GGA2: variants seen among roughly 807,000 people sequenced by gnomAD.
The protein encoded by GGA2 is ADP-ribosylation factor-binding protein GGA2.
Under a neutral mutation model 79.5 loss-of-function variants are expected in GGA2, and 48 were observed. That is an observed-to-expected ratio of 0.60 (90% CI 0.48 to 0.77). The LOEUF is 0.77. Ranked by LOEUF, GGA2 falls within the 30% of genes least tolerant of loss-of-function variation. The pLI, the probability that GGA2 is intolerant of heterozygous loss-of-function variation, is 0.00. For missense variants in GGA2, 770 were observed against 774.0 expected, an observed-to-expected ratio of 0.99 and a Z score of 0.06; for synonymous variants, 317 against 302.0, an observed-to-expected ratio of 1.05 and a Z score of -0.51.
chr16:23,491,642 C>G lies in GGA2; in HGVS notation c.475+35G>C, dbSNP rs1964788975. 3.1e-6 allele frequency: 5 copies of G among 1,603,090 alleles called. No homozygotes were observed. The South Asian group carries it at 5.5e-5, about 18-fold the overall frequency. On this transcript the variant is annotated intron_variant, in intron 5 of 16. Transcript: ENST00000309859. ...AAAAGCAAGAAGATACAGGCCTAGT[C>G]AAGAGGAAATAAGACACAGTAAGGC...
At chr16:23,470,694 C>T (rs903515635) in intron 14 of GGA2, among the ~76,000 whole-genome samples, 43 of 151,568 alleles carry the variant, frequency 2.8e-4, no homozygotes, top group Admixed American at 1.3e-3. Flanking sequence ...ACTCGGGAGG[C>T]GGAGGTTGCA....
At chr16:23,487,129 G>A (rs867400227) in intron 6 of GGA2, among the ~76,000 whole-genome samples, 2 of 152,020 alleles carry the variant, frequency 1.3e-5, no homozygotes, top group Middle Eastern at 3.4e-3. Flanking sequence ...CTATAGGCGC[G>A]TGCCACCATG....
intron 1 of GGA2, among the ~76,000 whole-genome samples, chr16:23,520,713 G>A (rs1965135139): frequency 6.6e-6 from 1 of 150,516 alleles, no homozygotes; most frequent in Non-Finnish European, 1.5e-5. Context: ...ACAGAAGACA[G>A]ACGTCTGGAG....
At chr16:23,488,536 G>A (rs1332663957) in intron 6 of GGA2, 70 bp downstream of exon 6, 3 of 894,478 alleles carry the variant, frequency 3.4e-6, no homozygotes, top group Non-Finnish European at 5.6e-6. Context: ...TCCGATTCAA[G>A]CATCAAAGGG....
chr16:23,474,904 T>C lies in GGA2; in HGVS notation c.1450A>G (p.Ser484Gly). The change falls in exon 14 of 17, where the codon AGC (serine) becomes GGC (glycine). Residue 484 changes from serine to glycine, a missense_variant and splice_region_variant. Physicochemically the swap from Ser to Gly is moderately conservative, Grantham distance 56 (BLOSUM62 0). Transcript: ENST00000309859. The stretch of plus-strand genomic sequence containing the variant: ...AGGTGGGGAGTGAAATTGTACTTAC[T>C]GGGCTTAACAGACTCCAAAGGGACA... The part of the protein sequence containing the change: ...VFVPLESVKP[S>G]SLPPLIVYDR... 1 of 1,606,610 alleles carries C rather than the reference T, an allele frequency of 6.2e-7. No homozygotes were observed. Among genetic ancestry groups the C allele is most frequent in the Non-Finnish European group, 8.5e-7 (1 of 1,174,064 alleles).
rs184393026 is a variant in GGA2 at position 23,483,655 on chromosome 16, T to G, written c.799-651A>C. The stretch of plus-strand genomic sequence containing the variant: ...TCTTTTTGATTGTTTGTTTTTTTGG[T>G]TTTTTTTTGAGACAGAGTTTCACTG... On this transcript the variant is annotated intron_variant, in intron 8 of 16. Coordinates refer to ENST00000309859, the MANE Select transcript of GGA2 (RefSeq NM_015044.4). Among the ~76,000 whole-genome samples, 635 of 150,588 alleles carry G rather than the reference T, an allele frequency of 4.2e-3. 8 individuals carry two copies. The highest frequency in any genetic ancestry group is 0.014 in the African/African-American group (565 of 41,044).
rs533062983 is a variant in GGA2, at chr16:23,481,760, A to C, written c.881-990T>G. Among the ~76,000 whole-genome samples, 14 of 152,352 alleles carry C rather than the reference A, an allele frequency of 9.2e-5. 1 individual carries two copies. Among genetic ancestry groups the C allele is most frequent in the African/African-American group, 3.1e-4 (13 of 41,588 alleles). ...ACGCCACTGGACTCCAGCCTGAGCA[A>C]CAGAGTGAGACTGTCTCAAAAAAAA... On this transcript the variant is annotated intron_variant, in intron 9 of 16. Transcript: ENST00000309859.
At chr16:23,517,966 G>T (rs1965111737) in intron 2 of GGA2, among the ~76,000 whole-genome samples, 1 of 151,676 alleles carries the variant, frequency 6.6e-6, no homozygotes, top group Admixed American at 6.6e-5. Flanking sequence ...AGGCTGGAGT[G>T]CAGTGTTGTG....
intron 16 of GGA2, 73 bp from the exon 17 acceptor site, chr16:23,467,773 G>A: frequency 1.3e-6 from 1 of 776,506 alleles, no homozygotes; most frequent in African/African-American, 1.7e-5. Flanking sequence ...GTTAAGTCAA[G>A]TGAGTGTTTC....
chr16:23,494,428 A>G, intron 2 of GGA2, 50 bp from the exon 3 acceptor site: 1 of 1,163,798 alleles, frequency 8.6e-7, no homozygotes, highest in Non-Finnish European at 1.3e-6. Context: ...AAAGAAACTA[A>G]CCCGAGTGGC....
At chr16:23,474,734 G>A (rs1964555198) in intron 14 of GGA2, among the ~76,000 whole-genome samples, 170 bp downstream of exon 14, 1 of 152,014 alleles carries the variant, frequency 6.6e-6, no homozygotes, top group African/African-American at 2.4e-5. Flanking sequence ...TTACAGGCGT[G>A]AGTCACCATA....
rs1375452058 is a variant in GGA2, at chr16:23,486,158, G to C, written c.661-6C>G. 1.2e-6 allele frequency: 2 copies of C among 1,612,926 alleles called. No individual in the cohort carries two copies. The highest frequency in any genetic ancestry group is 1.7e-6 in the Non-Finnish European group (2 of 1,179,348). On this transcript the variant is annotated splice_region_variant and splice_polypyrimidine_tract_variant and intron_variant, in intron 7 of 16. Transcript: ENST00000309859. ...TTCTCCGATTTTTCTTGTTCCTTTT[G>C]GGAAAAAGAGGAGGATGGGAGTGAG...
At chr16:23,473,762 C>T (rs905039899) in intron 14 of GGA2, among the ~76,000 whole-genome samples, 2 of 151,640 alleles carry the variant, frequency 1.3e-5, no homozygotes, top group Non-Finnish European at 2.9e-5. Flanking sequence ...TTCTATATAC[C>T]CTTCATGTAG....
At position 23,466,899 on chromosome 16, in the gene GGA2, ACT is replaced by A. The variant is rs1390035165; in HGVS notation, c.*689_*690del. 1.3e-5 allele frequency: 2 copies of A among 152,666 alleles called. No homozygotes were observed. The highest frequency in any genetic ancestry group is 6.6e-5 in the Admixed American group (1 of 15,254). The allele number at this position is 152,666 out of a possible 1,614,324, so 9.5% of individuals were successfully genotyped here. A position where few individuals can be genotyped will look rare whatever the true frequency, so the allele number is the denominator to read the frequency against. On this transcript the variant is annotated 3_prime_UTR_variant, in exon 17 of 17. Coordinates refer to ENST00000309859, the MANE Select transcript of GGA2 (RefSeq NM_015044.4). Reference sequence around the variant, plus strand: ...GAGCTGCTTTCCCCTCTGCCCAGGAACTCTGTCCAGGGGCGATTCTAAGGCAC... The same window carrying A: ...GAGCTGCTTTCCCCTCTGCCCAGGAACTGTCCAGGGGCGATTCTAAGGCAC...
At chr16:23,495,536 A>G in intron 2 of GGA2, 158 bp downstream of exon 2, 1 of 421,530 alleles carries the variant, frequency 2.4e-6, no homozygotes, top group East Asian at 3.4e-5. Context: ...GGCTCAAGCA[A>G]TCCTCCTGCC....
chr16:23,501,341 G>A (rs974357309), intron 1 of GGA2: 1 of 454,846 alleles, frequency 2.2e-6, no homozygotes, highest in East Asian at 6.9e-5. Context: ...GAGAAATCAT[G>A]GTCTGTGGAG....
Position 23,493,447 on chromosome 16 carries a change from C to T in GGA2, c.264G>A (p.Met88Ile), listed in dbSNP as rs776529428. The T allele has an allele frequency of 1.9e-6, 3 of 1,609,074 alleles. No individual in the cohort carries two copies. The highest frequency in any genetic ancestry group is 2.2e-5 in the East Asian group (1 of 44,844). ...ACTTCTCCCCACAGTGGTTCATGCA[C>T]ATCTCCAGCACCTGCACAGACACAG... ...EALYALTVLE[M>I]CMNHCGEKFH... Residue 88 changes from methionine (M) to isoleucine (I), a missense_variant, in exon 4 of 17, where the codon ATG becomes ATA. Physicochemically the swap from Met to Ile is conservative, Grantham distance 10. Transcript: ENST00000309859.
chr16:23,490,634 C>T (rs1294342150), intron 5 of GGA2, among the ~76,000 whole-genome samples: 2 of 151,634 alleles, frequency 1.3e-5, no homozygotes, highest in African/African-American at 4.9e-5. Context: ...ACTCGAGAAG[C>T]TGAGGCACAA....
intron 10 of GGA2, chr16:23,480,139 G>A (rs1011409560): frequency 3.8e-5 from 18 of 469,616 alleles, no homozygotes; most frequent in South Asian, 2.9e-4. Flanking sequence ...TCACTCTGGA[G>A]GAAAGCAGAT....
Sources: allele counts gnomAD v4.1 joint callset (sites outside exome capture counted in the v4.1 genomes callset), GRCh38; gene constraint gnomAD v4.1.1; transcripts MANE v1.5; gene names NCBI Gene and HGNC (gene_info 2026-07-23, HGNC 2026-07-21).